ALG14: variants seen among roughly 807,000 people sequenced by gnomAD.
The protein encoded by ALG14 is ALG14 UDP-N-acetylglucosaminyltransferase subunit, also known as UDP-N-acetylglucosamine transferase subunit ALG14.
In ALG14, 17 loss-of-function variants were observed where a neutral mutation model predicts 22.8. The observed-to-expected ratio is 0.75, with a 90% CI of 0.51 to 1.12. The LOEUF (loss-of-function observed/expected upper bound fraction) is 1.12. Among genes scored for constraint, ALG14 ranks in the 50% most tolerant of loss-of-function variants. ALG14 has a pLI of 0.00. For synonymous variants in ALG14, 89 were observed against 103.7 expected, an observed-to-expected ratio of 0.86 and a Z score of 0.86; for missense variants, 288 against 271.8, an observed-to-expected ratio of 1.06 and a Z score of -0.42.
At chr1:94,997,982 A>ACAGGTTCT (rs1672952167) in intron 3 of ALG14, among the ~76,000 whole-genome samples, 1 of 152,102 alleles carries the variant, frequency 6.6e-6, no homozygotes, top group African/African-American at 2.4e-5. Context: ...TGTTGGGGCA[A>ACAGGTTCT]CAGGTTCTCA....
chr1:94,992,463 C>G (rs1672799188), intron 3 of ALG14, among the ~76,000 whole-genome samples: 1 of 152,090 alleles, frequency 6.6e-6, no homozygotes, highest in Non-Finnish European at 1.5e-5. Context: ...TGGGCAGAAT[C>G]AGATACTGAT....
chr1:95,070,027 C>A (rs1333203896), intron 1 of ALG14, among the ~76,000 whole-genome samples: 1 of 152,040 alleles, frequency 6.6e-6, no homozygotes, highest in Non-Finnish European at 1.5e-5. Flanking sequence ...TAGCAAGACA[C>A]CATCTCTATT....
chr1:95,037,418 G>A (rs1674235170), intron 2 of ALG14, among the ~76,000 whole-genome samples: 3 of 152,176 alleles, frequency 2.0e-5, no homozygotes, highest in Admixed American at 2.0e-4. Context: ...TGCTGTAAGA[G>A]ATCCTCTTCT....
rs1288155214 is a variant in ALG14 at position 95,022,235 on chromosome 1, T to C, written c.420+4894A>G. On this transcript the variant is annotated intron_variant, in intron 3 of 3. Coordinates refer to ENST00000370205, the MANE Select transcript of ALG14 (RefSeq NM_144988.4). ...ATGCAGCCTAATTTTGACACAGATG[T>C]TGTTCGGAACTCACTCAATGTGAAA... 3.6e-6 allele frequency: 3 copies of C among 837,308 alleles called. No individual in the cohort carries two copies. The Admixed American group carries it at 1.9e-4, about 52-fold the overall frequency. The allele number at this position is 837,308 out of a possible 1,614,324, so 51.9% of individuals were successfully genotyped here. A position where few individuals can be genotyped will look rare whatever the true frequency, so the allele number is the denominator to read the frequency against.
chr1:95,011,892 G>A (rs994202399), intron 3 of ALG14, among the ~76,000 whole-genome samples: 1 of 152,202 alleles, frequency 6.6e-6, no homozygotes, highest in Admixed American at 6.5e-5. Flanking sequence ...GTGATGAAAA[G>A]TTGATATGGC....
At chr1:95,020,123 A>T (rs2391389) in intron 3 of ALG14, among the ~76,000 whole-genome samples, 1 of 151,716 alleles carries the variant, frequency 6.6e-6, no homozygotes, top group Non-Finnish European at 1.5e-5. Context: ...AGGCTGAGGC[A>T]GGAGAATCGC....
chr1:95,046,444 C>T (rs542619331), intron 2 of ALG14, among the ~76,000 whole-genome samples: 18 of 152,316 alleles, frequency 1.2e-4, no homozygotes, highest in South Asian at 6.2e-4. Flanking sequence ...ATCTAACTAA[C>T]GCCTGATGAT....
intron 1 of ALG14, among the ~76,000 whole-genome samples, chr1:95,070,777 C>T (rs1675533271): frequency 6.6e-6 from 1 of 152,186 alleles, no homozygotes; most frequent in Non-Finnish European, 1.5e-5. Flanking sequence ...ACTCTGTCAA[C>T]CAGGCTGGAG....
chr1:95,019,494 C>T (rs972563636), intron 3 of ALG14, among the ~76,000 whole-genome samples: 1 of 152,142 alleles, frequency 6.6e-6, no homozygotes, highest in African/African-American at 2.4e-5. Flanking sequence ...CACTTATCCT[C>T]ATTCTTGATT....
At chr1:95,038,798 A>C (rs1438446446) in intron 2 of ALG14, among the ~76,000 whole-genome samples, 4 of 144,978 alleles carry the variant, frequency 2.8e-5, no homozygotes, top group Non-Finnish European at 5.9e-5. Flanking sequence ...GACTCACTGC[A>C]TCCTTGACCT....
Position 95,064,016 on chromosome 1 carries a change from C to T in ALG14, c.288+850G>A, listed in dbSNP as rs550134930. On this transcript the variant is annotated intron_variant, in intron 2 of 3. Coordinates refer to ENST00000370205, the MANE Select transcript of ALG14 (RefSeq NM_144988.4). ...CTTCACTTCCCTTGTTAGCTATATT[C>T]CTAGGTATTTTATTCTTTTTGCAGT... Among the ~76,000 whole-genome samples the T allele has an allele frequency of 1.1e-4, 17 of 152,198 alleles. 1 individual carries two copies. The highest frequency in any genetic ancestry group is 9.2e-4 in the Admixed American group (14 of 15,276).
In ALG14 at chr1:95,051,961, T is replaced by C. The variant is rs1320214536; in HGVS notation, c.288+12905A>G. 4.6e-5 allele frequency among the ~76,000 whole-genome samples: 7 copies of C among 152,226 alleles called. No homozygotes were observed. The East Asian group carries it at 1.2e-3, about 25-fold the overall frequency. The stretch of plus-strand genomic sequence containing the variant: ...AAATTTTACCTAATTATCTGGTTTA[T>C]TATCCCGCCACTAGAATGTAGCCTC... On this transcript the variant is annotated intron_variant, in intron 2 of 3. Coordinates refer to ENST00000370205, the MANE Select transcript of ALG14 (RefSeq NM_144988.4).
At chr1:95,049,873 AAAAAT>A (rs750287321) in intron 2 of ALG14, among the ~76,000 whole-genome samples, 3 of 152,208 alleles carry the variant, frequency 2.0e-5, no homozygotes, top group Non-Finnish European at 2.9e-5. Context: ...CCCGTCCCAA[AAAAAT>A]AAAATAAAAT....
rs543179691 is a variant in ALG14 at position 94,985,210 on chromosome 1, C to T, written c.421-1904G>A. ...CAGGGTTCTATAACTCTACAATTTTCCTCTTTGTCTTAAACCTAAATTACA... is the reference window on the plus strand; with the variant it reads ...CAGGGTTCTATAACTCTACAATTTTTCTCTTTGTCTTAAACCTAAATTACA... On this transcript the variant is annotated intron_variant, in intron 3 of 3. Coordinates refer to ENST00000370205, the MANE Select transcript of ALG14 (RefSeq NM_144988.4). 3.8e-5 allele frequency among the ~76,000 whole-genome samples: 3 copies of T among 77,952 alleles called. No homozygotes were observed. The South Asian group carries it at 1.2e-3, about 32-fold the overall frequency. The allele number at this position is 77,952 out of a possible 152,430, so 51.1% of individuals were successfully genotyped here.
chr1:95,007,495 A>G (rs1418708899), intron 3 of ALG14, among the ~76,000 whole-genome samples: 1 of 152,226 alleles, frequency 6.6e-6, no homozygotes, highest in Admixed American at 6.5e-5. Flanking sequence ...AAACCTCTGC[A>G]TTCCTGCACG....
chr1:94,984,855 T>C lies in ALG14; in HGVS notation c.421-1549A>G, dbSNP rs558053593. Among the ~76,000 whole-genome samples the C allele has an allele frequency of 2.0e-5, 3 of 152,350 alleles. No homozygotes were observed. In the South Asian group the frequency reaches 6.2e-4, roughly 32 times the overall value. On this transcript the variant is annotated intron_variant, in intron 3 of 3. Transcript: ENST00000370205. Reference sequence around the variant, plus strand: ...ACTGCTATTTATTCACAACGCACTATGGCCAAGTACTGCACTAAACATTTT... The same window carrying C: ...ACTGCTATTTATTCACAACGCACTACGGCCAAGTACTGCACTAAACATTTT...
intron 3 of ALG14, among the ~76,000 whole-genome samples, chr1:95,015,614 T>C (rs997143874): frequency 1.3e-5 from 2 of 152,148 alleles, no homozygotes; most frequent in Admixed American, 1.3e-4. Flanking sequence ...AAGCCCTTCT[T>C]GAGAGGGGCG....
chr1:95,023,343 C>T (rs1231111349), intron 3 of ALG14, among the ~76,000 whole-genome samples: 1 of 152,142 alleles, frequency 6.6e-6, no homozygotes, highest in African/African-American at 2.4e-5. Context: ...AGCCTGGTCT[C>T]GAACTCCTGA....
At chr1:95,031,068 G>A (rs2100778465) in intron 2 of ALG14, among the ~76,000 whole-genome samples, 1 of 152,306 alleles carries the variant, frequency 6.6e-6, no homozygotes, top group East Asian at 1.9e-4. Context: ...TTCCATTTGT[G>A]TGCTGGAGCT....
Sources: allele counts gnomAD v4.1 joint callset (sites outside exome capture counted in the v4.1 genomes callset), GRCh38; gene constraint gnomAD v4.1.1; transcripts MANE v1.5; gene names NCBI Gene and HGNC (gene_info 2026-07-23, HGNC 2026-07-21).